CLSTN2: variants seen among roughly 807,000 people sequenced by gnomAD.
The protein encoded by CLSTN2 is calsyntenin-2.
Under a neutral mutation model 101.2 loss-of-function variants are expected in CLSTN2, and 48 were observed. That is an observed-to-expected ratio of 0.47 (90% CI 0.38 to 0.60). The LOEUF is 0.60. CLSTN2 is among the 20% of genes least tolerant of loss of function. The pLI, the probability that CLSTN2 is intolerant of heterozygous loss-of-function variation, is 0.00. For missense variants in CLSTN2, 1,160 were observed against 1,238.2 expected, an observed-to-expected ratio of 0.94 and a Z score of 0.95; for synonymous variants, 481 against 463.6, an observed-to-expected ratio of 1.04 and a Z score of -0.48.
At position 140,343,240 on chromosome 3, in the gene CLSTN2, A is replaced by G. The variant is rs1426751881; in HGVS notation, c.233-60389A>G. On this transcript the variant is annotated intron_variant, in intron 2 of 16. Transcript: ENST00000458420. ...AGTGCCCTGAAAGAGTGAAACGAAA[A>G]CTACCCCCTAGCTCTGCTAGAAGAG... is the stretch of plus-strand genomic sequence containing the variant. Among the ~76,000 whole-genome samples the G allele has an allele frequency of 2.0e-5, 3 of 152,158 alleles. No homozygotes were observed. In the South Asian group the frequency reaches 6.2e-4, roughly 32 times the overall value.
chr3:140,144,347 C>G (rs1488588704), intron 1 of CLSTN2, among the ~76,000 whole-genome samples: 1 of 152,172 alleles, frequency 6.6e-6, no homozygotes, highest in Non-Finnish European at 1.5e-5. Flanking sequence ...GTGGCTTACA[C>G]CTGTAATCCC....
At chr3:139,998,335 C>CTTTTTTTTTTTTTTTTTTTTTTTTTTTTT (rs1290360293) in intron 1 of CLSTN2, among the ~76,000 whole-genome samples, 1 of 20,428 alleles carries the variant, frequency 4.9e-5, no homozygotes, top group Non-Finnish European at 7.8e-5. Flanking sequence ...CCCCCACATG[C>CTTTTTTTTTTTTTTTTTTTTTTTTTTTTT]CTTTTTTTTT....
At chr3:140,192,329 T>C (rs1266527015) in intron 2 of CLSTN2, among the ~76,000 whole-genome samples, 1 of 151,966 alleles carries the variant, frequency 6.6e-6, no homozygotes, top group Non-Finnish European at 1.5e-5. Context: ...CATCCTGTTA[T>C]TTGATGTTGA....
At chr3:140,050,494 A>G (rs780800772) in intron 1 of CLSTN2, among the ~76,000 whole-genome samples, 1 of 152,330 alleles carries the variant, frequency 6.6e-6, no homozygotes, top group African/African-American at 2.4e-5. Flanking sequence ...GGAGAAGTGG[A>G]AAGAGAATTA....
chr3:140,241,714 G>A (rs1156685574), intron 2 of CLSTN2, among the ~76,000 whole-genome samples: 6 of 151,676 alleles, frequency 4.0e-5, no homozygotes, highest in East Asian at 1.9e-4. Context: ...GAGTGTTCCT[G>A]TGAGGAAGGA....
intron 5 of CLSTN2, among the ~76,000 whole-genome samples, chr3:140,427,194 T>TATATGTGTATATATATATACAC (rs2088577494): frequency 8.3e-5 from 7 of 84,792 alleles, no homozygotes; most frequent in African/African-American, 5.0e-4. Context: ...AATATATATA[T>TATATGTGTATATATATATACAC]ATATATATAT....
Position 140,498,420 on chromosome 3 carries a change from C to A in CLSTN2, c.1344+31689C>A, listed in dbSNP as rs1463991547. ...CTGGGCAGCAGCTGGGTGAACCACACAGAGTATTTGCCATGAAGGCAGCCA... is the reference window on the plus strand; with the variant it reads ...CTGGGCAGCAGCTGGGTGAACCACAAAGAGTATTTGCCATGAAGGCAGCCA... On this transcript the variant is annotated intron_variant, in intron 8 of 16. Coordinates refer to ENST00000458420, the MANE Select transcript of CLSTN2 (RefSeq NM_022131.3). Among the ~76,000 whole-genome samples, 7 of 152,166 alleles carry A rather than the reference C, an allele frequency of 4.6e-5. 1 individual carries two copies. The highest frequency in any genetic ancestry group is 3.3e-4 in the Admixed American group (5 of 15,278).
At chr3:140,356,966 A>G (rs2087677595) in intron 2 of CLSTN2, among the ~76,000 whole-genome samples, 1 of 152,126 alleles carries the variant, frequency 6.6e-6, no homozygotes, top group Non-Finnish European at 1.5e-5. Flanking sequence ...CCTCCATTTT[A>G]CAGGTGAAGA....
In CLSTN2 at chr3:140,029,807, A is replaced by G. The variant is rs140737102; in HGVS notation, c.109+94324A>G. On this transcript the variant is annotated intron_variant, in intron 1 of 16. Transcript: ENST00000458420. Reference sequence around the variant, plus strand: ...CTTCCCCTGCGATTCCTCTAGGATTACTTCTTATTTTCACTCTCCAACTGC... The same window carrying G: ...CTTCCCCTGCGATTCCTCTAGGATTGCTTCTTATTTTCACTCTCCAACTGC... 7.3e-3 allele frequency among the ~76,000 whole-genome samples: 1,106 copies of G among 152,164 alleles called. 18 individuals are homozygous for G. Among genetic ancestry groups the G allele is most frequent in the African/African-American group, 0.026 (1,074 of 41,522 alleles).
intron 2 of CLSTN2, among the ~76,000 whole-genome samples, chr3:140,383,806 G>T (rs189092647): frequency 6.6e-6 from 1 of 152,210 alleles, no homozygotes; most frequent in African/African-American, 2.4e-5. Flanking sequence ...GAGATGGACC[G>T]TGTGGCTATA....
At chr3:140,419,837 ATATATGTGTATATATATATG>A (rs2088480211) in intron 4 of CLSTN2, among the ~76,000 whole-genome samples, 1 of 36,706 alleles carries the variant, frequency 2.7e-5, no homozygotes, top group African/African-American at 1.6e-4. Context: ...ATATGTGTAT[ATATATGTGTATATATATATG>A]TATATATATA....
chr3:140,287,144 T>C (rs1299447551), intron 2 of CLSTN2, among the ~76,000 whole-genome samples: 1 of 152,272 alleles, frequency 6.6e-6, no homozygotes, highest in African/African-American at 2.4e-5. Context: ...TCTGATTTCT[T>C]AAGGGATGCC....
chr3:140,335,454 G>C (rs1308448024), intron 2 of CLSTN2, among the ~76,000 whole-genome samples: 4 of 115,714 alleles, frequency 3.5e-5, no homozygotes, highest in Admixed American at 3.1e-4. Flanking sequence ...GATGTGAAAG[G>C]CCAAAAAAAA....
At chr3:140,276,115 C>A (rs2086792288) in intron 2 of CLSTN2, among the ~76,000 whole-genome samples, 1 of 152,118 alleles carries the variant, frequency 6.6e-6, no homozygotes, top group African/African-American at 2.4e-5. Flanking sequence ...AATTTCCACC[C>A]AGAGAGCAAA....
chr3:140,308,899 C>T (rs2087138655), intron 2 of CLSTN2, among the ~76,000 whole-genome samples: 1 of 152,252 alleles, frequency 6.6e-6, no homozygotes, highest in African/African-American at 2.4e-5. Flanking sequence ...GGCAAATTCT[C>T]CATTAAGAAT....
At chr3:140,013,126 CAAG>C (rs2007122039) in intron 1 of CLSTN2, among the ~76,000 whole-genome samples, 1 of 152,182 alleles carries the variant, frequency 6.6e-6, no homozygotes. Context: ...CATCATCCAC[CAAG>C]GAGGATGTGG....
intron 1 of CLSTN2, among the ~76,000 whole-genome samples, chr3:140,083,552 T>G (rs2008632284): frequency 1.3e-5 from 2 of 152,248 alleles, no homozygotes; most frequent in Admixed American, 1.3e-4. Context: ...TATGTCTGTC[T>G]TTTCCTCTCC....
At chr3:140,526,211 TAA>T (rs1935134275) in intron 8 of CLSTN2, among the ~76,000 whole-genome samples, 1 of 151,686 alleles carries the variant, frequency 6.6e-6, no homozygotes, top group Non-Finnish European at 1.5e-5. Flanking sequence ...CTGAAACTGA[TAA>T]AGTTTCAGGA....
chr3:139,987,479 C>A (rs1172060018), intron 1 of CLSTN2, among the ~76,000 whole-genome samples: 1 of 152,194 alleles, frequency 6.6e-6, no homozygotes, highest in Non-Finnish European at 1.5e-5. Context: ...CGTCTTTCAG[C>A]CTGACCCTCA....
Sources: allele counts gnomAD v4.1 joint callset (sites outside exome capture counted in the v4.1 genomes callset), GRCh38; gene constraint gnomAD v4.1.1; transcripts MANE v1.5; gene names NCBI Gene and HGNC (gene_info 2026-07-23, HGNC 2026-07-21).